TIMM50: variants seen among roughly 807,000 people sequenced by gnomAD.
TIMM50 encodes translocase of inner mitochondrial membrane 50.
A neutral mutation model predicts 49.6 loss-of-function variants in TIMM50; 34 were observed. The ratio of observed to expected loss-of-function variants is 0.69; its 90% CI spans 0.52 to 0.91. The LOEUF is 0.91. Ranked by LOEUF, TIMM50 falls within the 40% of genes least tolerant of loss-of-function variation. TIMM50 has a pLI of 0.00. For synonymous variants in TIMM50, 199 were observed against 198.4 expected, an observed-to-expected ratio of 1.00 and a Z score of -0.03; for missense variants, 458 against 477.8, an observed-to-expected ratio of 0.96 and a Z score of 0.39.
rs1176543694 is a variant in TIMM50 at position 39,490,088 on chromosome 19, G to A, written c.*268G>A. 1 of 511,094 alleles carries A rather than the reference G, an allele frequency of 2.0e-6. No homozygotes were observed. Among genetic ancestry groups the A allele is most frequent in the East Asian group, 3.2e-5 (1 of 31,538 alleles). The allele number at this position is 511,094 out of a possible 1,614,324, so 31.7% of individuals were successfully genotyped here. ...GTCTCGGAATCTAAAAACCCTCGCT[G>A]TGTCTTCCTGTGTGTTGCGTGATCT... On this transcript the variant is annotated 3_prime_UTR_variant, in exon 11 of 11. Transcript: ENST00000607714.
intron 6 of TIMM50, 64 bp from the exon 7 acceptor site, chr19:39,486,123 G>C: frequency 6.0e-6 from 9 of 1,504,342 alleles, no homozygotes; most frequent in Non-Finnish European, 8.3e-6. Flanking sequence ...CTGGATCTTT[G>C]TCCTCTTGGG....
chr19:39,483,675 T>A (rs2079486902), intron 4 of TIMM50: 1 of 155,536 alleles, frequency 6.4e-6, no homozygotes, highest in Non-Finnish European at 1.4e-5. Flanking sequence ...GCCACCTGTT[T>A]ATGCTGGGGG....
intron 4 of TIMM50, 52 bp downstream of exon 4, chr19:39,483,208 T>A (rs749918690): frequency 6.2e-7 from 1 of 1,610,122 alleles, no homozygotes; most frequent in Non-Finnish European, 8.5e-7. Flanking sequence ...AACTCTGTCA[T>A]TTGTAAGGAT....
At chr19:39,485,401 A>G (rs528814970) in intron 4 of TIMM50, 143 bp from the exon 5 acceptor site, 5 of 895,020 alleles carry the variant, frequency 5.6e-6, no homozygotes, top group Admixed American at 4.3e-5. Flanking sequence ...ATTGCCTTCT[A>G]TCTTTGGACC....
Position 39,489,753 on chromosome 19 carries a change from C to G in TIMM50, c.995C>G (p.Ser332Cys), listed in dbSNP as rs773575414. Residue 332 changes from serine to cysteine, a missense_variant, in exon 11 of 11, where the codon TCC becomes TGC. By Grantham distance (112) the Ser-to-Cys change is moderately radical. Coordinates refer to ENST00000607714, the MANE Select transcript of TIMM50 (RefSeq NM_001001563.5). ...EQQRLAELSK[S>C]NKQNLFLGSL... ...CAGCGCCTGGCCGAGCTCTCCAAGT[C>G]CAACAAGCAGAACCTCTTCCTTGGC... is the stretch of plus-strand genomic sequence containing the variant. 1.2e-6 allele frequency: 2 copies of G among 1,612,250 alleles called. No homozygotes were observed. Among genetic ancestry groups the G allele is most frequent in the South Asian group, 2.2e-5 (2 of 90,430 alleles).
rs1174904908 is a variant in TIMM50, at chr19:39,489,708, C to T, written c.961-11C>T. The T allele has an allele frequency of 6.3e-7, 1 of 1,598,598 alleles. No individual in the cohort carries two copies. The highest frequency in any genetic ancestry group is 2.3e-5 in the East Asian group (1 of 44,340). On this transcript the variant is annotated splice_polypyrimidine_tract_variant and intron_variant, in intron 10 of 10. Coordinates refer to ENST00000607714, the MANE Select transcript of TIMM50 (RefSeq NM_001001563.5). ...CGCTGACCCTCTCCTCCAACTGTCCCCCTACCCCAGGAGGAGCAGCAGCGC... is the reference window on the plus strand; with the variant it reads ...CGCTGACCCTCTCCTCCAACTGTCCTCCTACCCCAGGAGGAGCAGCAGCGC...
In TIMM50 at chr19:39,482,677, T is replaced by C. The variant is rs1236395403; in HGVS notation, c.260-208T>C. ...TCTGTCTCAAAAAAAAAAAAAAAAA[T>C]CCCACAGACCCAAAAGACCTAGCCC... On this transcript the variant is annotated intron_variant, in intron 2 of 10. Transcript: ENST00000607714. 4.8e-4 allele frequency among the ~76,000 whole-genome samples: 67 copies of C among 140,112 alleles called. 1 individual carries two copies. In the East Asian group the frequency reaches 0.014, roughly 30 times the overall value. The allele number at this position is 140,112 out of a possible 152,430, so 91.9% of individuals were successfully genotyped here. A position where few individuals can be genotyped will look rare whatever the true frequency, so the allele number is the denominator to read the frequency against.
rs1427156593 is a variant in TIMM50 at position 39,490,079 on chromosome 19, A to T, written c.*259A>T. 5 of 505,670 alleles carry T rather than the reference A, an allele frequency of 9.9e-6. No homozygotes were observed. Among genetic ancestry groups the T allele is most frequent in the Non-Finnish European group, 1.8e-5 (5 of 281,288 alleles). The allele number at this position is 505,670 out of a possible 1,614,324, so 31.3% of individuals were successfully genotyped here. ...TTCACCCTGGTCTCGGAATCTAAAA[A>T]CCCTCGCTGTGTCTTCCTGTGTGTT... On this transcript the variant is annotated 3_prime_UTR_variant, in exon 11 of 11. Transcript: ENST00000607714.
rs368325472 is a variant in TIMM50 at position 39,493,253 on chromosome 19, C to CT, written c.*3443dup. The CT allele has an allele frequency of 9.5e-3, 1,405 of 147,896 alleles. 17 individuals are homozygous for CT. Among genetic ancestry groups the CT allele is most frequent in the African/African-American group, 0.032 (1,291 of 40,434 alleles). 9.2% of individuals were successfully genotyped at this position (147,896 alleles called of 1,614,324 possible). A position where few individuals can be genotyped will look rare whatever the true frequency, so the allele number is the denominator to read the frequency against. Reference sequence around the variant, plus strand: ...GCAGGACTGAGGGAGGGGACCTGTGCTTTTTTTTTTGTTTTTTTGAGATGG... The same window carrying CT: ...GCAGGACTGAGGGAGGGGACCTGTGCTTTTTTTTTTTGTTTTTTTGAGATGG... On this transcript the variant is annotated 3_prime_UTR_variant, in exon 11 of 11. Coordinates refer to ENST00000607714, the MANE Select transcript of TIMM50 (RefSeq NM_001001563.5).
intron 2 of TIMM50, 66 bp downstream of exon 2, chr19:39,482,099 C>T: frequency 1.9e-6 from 3 of 1,560,730 alleles, no homozygotes; most frequent in East Asian, 2.3e-5. Context: ...TGGAACCTCC[C>T]ACTCTTGCCC....
At position 39,492,142 on chromosome 19, in the gene TIMM50, G is replaced by A. The variant is rs1312116223; in HGVS notation, c.*2322G>A. 6.6e-6 allele frequency: 1 copy of A among 152,116 alleles called. No homozygotes were observed. Among genetic ancestry groups the A allele is most frequent in the African/African-American group, 2.4e-5 (1 of 41,408 alleles). 9.4% of individuals were successfully genotyped at this position (152,116 alleles called of 1,614,324 possible). On this transcript the variant is annotated 3_prime_UTR_variant, in exon 11 of 11. Transcript: ENST00000607714. ...CACTTCTCGGCTGGCTTGTGATCCT[G>A]TGCAAGTTACTTTACCTCTCAGTGC... is the stretch of plus-strand genomic sequence containing the variant.
chr19:39,492,868 C>A lies in TIMM50; in HGVS notation c.*3048C>A. ...CCTGGGCGACAGAGTAAGGCTCTGT[C>A]TCCAAAAAAAAAAAAAAAAAAAAAC... is the stretch of plus-strand genomic sequence containing the variant. On this transcript the variant is annotated 3_prime_UTR_variant, in exon 11 of 11. Coordinates refer to ENST00000607714, the MANE Select transcript of TIMM50 (RefSeq NM_001001563.5). 5.7e-5 allele frequency: 1 copy of A among 17,698 alleles called. No individual in the cohort carries two copies. Among genetic ancestry groups the A allele is most frequent in the Non-Finnish European group, 9.2e-5 (1 of 10,828 alleles). The allele number at this position is 17,698 out of a possible 1,614,324, so 1.1% of individuals were successfully genotyped here. A position where few individuals can be genotyped will look rare whatever the true frequency, so the allele number is the denominator to read the frequency against.
Position 39,480,976 on chromosome 19 carries a change from GGT to G in TIMM50, c.108+17_108+18del. 1 of 1,571,068 alleles carries G rather than the reference GGT, an allele frequency of 6.4e-7. No homozygotes were observed. ...CCCCAGATCAGGTGAGCGGAACGAGGGTGGCCCTCTGAATGTGGGGTCCCTTC... is the reference window on the plus strand; with the variant it reads ...CCCCAGATCAGGTGAGCGGAACGAGGGGCCCTCTGAATGTGGGGTCCCTTC... On this transcript the variant is annotated intron_variant, in intron 1 of 10. Coordinates refer to ENST00000607714, the MANE Select transcript of TIMM50 (RefSeq NM_001001563.5).
chr19:39,488,033 G>A, intron 8 of TIMM50, 28 bp from the exon 9 acceptor site: 3 of 1,594,042 alleles, frequency 1.9e-6, no homozygotes, highest in African/African-American at 1.3e-5. Context: ...GGGCACAGAT[G>A]TTGACCTGAT....
At chr19:39,488,933 G>T (rs1197171546) in intron 10 of TIMM50, among the ~76,000 whole-genome samples, 1 of 152,094 alleles carries the variant, frequency 6.6e-6, no homozygotes, top group African/African-American at 2.4e-5. Flanking sequence ...TAGGTCTGGG[G>T]GCACCTTGTG....
chr19:39,487,924 G>A (rs535882846), intron 8 of TIMM50, 137 bp from the exon 9 acceptor site: 38 of 1,332,088 alleles, frequency 2.9e-5, no homozygotes, highest in East Asian at 2.0e-4. Context: ...ATCCAAAGCC[G>A]GTCTTTGAGA....
In TIMM50 at chr19:39,483,228, C is replaced by G. The variant is rs1316544228; in HGVS notation, c.313+72C>G. 5.0e-6 allele frequency: 8 copies of G among 1,595,208 alleles called. No individual in the cohort carries two copies. The East Asian group carries it at 1.8e-4, about 36-fold the overall frequency. On this transcript the variant is annotated intron_variant, in intron 4 of 10. Coordinates refer to ENST00000607714, the MANE Select transcript of TIMM50 (RefSeq NM_001001563.5). ...TGTCATTTGTAAGGATGTCTCTCTCCCCATCTGGTGTCTCCGGCCCCTCCT... is the reference window on the plus strand; with the variant it reads ...TGTCATTTGTAAGGATGTCTCTCTCGCCATCTGGTGTCTCCGGCCCCTCCT...
chr19:39,489,670 T>A, intron 10 of TIMM50, 49 bp from the exon 11 acceptor site: 1 of 1,524,940 alleles, frequency 6.6e-7, no homozygotes, highest in Non-Finnish European at 8.9e-7. Context: ...GGGAGGAGGC[T>A]CTGTCCACCT....
chr19:39,481,100 CA>C, intron 1 of TIMM50, 139 bp downstream of exon 1: 2 of 1,165,266 alleles, frequency 1.7e-6, no homozygotes, highest in South Asian at 3.3e-5. Context: ...GGGCCCTTCC[CA>C]ACCTCCTGGG....
Sources: gnomAD v4.1 joint callset for allele counts (sites outside exome capture counted in the v4.1 genomes callset) on GRCh38, gnomAD v4.1.1 for gene constraint, MANE v1.5 for transcripts, NCBI Gene and HGNC (gene_info 2026-07-23, HGNC 2026-07-21) for gene names.